STK40: variants seen among roughly 807,000 people sequenced by gnomAD.
STK40 encodes the protein serine/threonine kinase 40.
In STK40, 13 loss-of-function variants were observed where a neutral mutation model predicts 47.9. The observed-to-expected ratio is 0.27, with a 90% CI of 0.18 to 0.43. STK40 has a LOEUF of 0.43. Ranked by LOEUF, STK40 falls within the 20% of genes least tolerant of loss-of-function variation. The pLI is 1.00. For synonymous variants in STK40, 225 were observed against 243.2 expected (o/e 0.93, Z 0.69); for missense variants, 460 against 595.1 (o/e 0.77, Z 2.36).
chr1:36,384,193 C>G (rs763733598), intron 1 of STK40, among the ~76,000 whole-genome samples: 5 of 152,128 alleles, frequency 3.3e-5, no homozygotes, highest in Admixed American at 3.3e-4. Context: ...CCATGCCCAG[C>G]TAATTTTTCT....
At chr1:36,382,352 G>A (rs1570471657) in intron 1 of STK40, among the ~76,000 whole-genome samples, 1 of 152,070 alleles carries the variant, frequency 6.6e-6, no homozygotes, top group East Asian at 1.9e-4. Context: ...GCTAATTTTT[G>A]TATTTTTTGT....
chr1:36,343,488 C>T (rs1570432063), intron 9 of STK40, 40 bp from the exon 10 acceptor site: 2 of 1,579,306 alleles, frequency 1.3e-6, no homozygotes, highest in East Asian at 4.5e-5. Context: ...CCCAGAGAGA[C>T]CAGGTCCATT....
At chr1:36,362,824 T>C (rs1646864535) in intron 1 of STK40, among the ~76,000 whole-genome samples, 1 of 152,240 alleles carries the variant, frequency 6.6e-6, no homozygotes, top group Middle Eastern at 3.2e-3. Flanking sequence ...GACCACACTG[T>C]AATGCTATTT....
At chr1:36,378,689 A>G (rs2124752972) in intron 1 of STK40, among the ~76,000 whole-genome samples, 1 of 151,826 alleles carries the variant, frequency 6.6e-6, no homozygotes, top group East Asian at 1.9e-4. Flanking sequence ...GATCTCCTGA[A>G]CTCGTGATCT....
rs1291095553 is a variant in STK40 at position 36,340,345 on chromosome 1, T to A, written c.*1410A>T. ...AGGAGGTTTGGGAACTTGCCCAAGG[T>A]CACTCACAGTGAGTCAGCTTTTTAG... is the stretch of plus-strand genomic sequence containing the variant. On this transcript the variant is annotated 3_prime_UTR_variant, in exon 11 of 11. Coordinates refer to ENST00000373132, the MANE Select transcript of STK40 (RefSeq NM_001282547.2). 1 of 152,762 alleles carries A rather than the reference T, an allele frequency of 6.5e-6. No homozygotes were observed. The highest frequency in any genetic ancestry group is 1.5e-5 in the Non-Finnish European group (1 of 68,170). 9.5% of individuals were successfully genotyped at this position (152,762 alleles called of 1,614,324 possible). A position where few individuals can be genotyped will look rare whatever the true frequency, so the allele number is the denominator to read the frequency against.
At chr1:36,345,589 C>T (rs1172022804) in intron 7 of STK40, among the ~76,000 whole-genome samples, 1 of 152,220 alleles carries the variant, frequency 6.6e-6, no homozygotes, top group Non-Finnish European at 1.5e-5. Context: ...ATGGCTGACT[C>T]AAGGACAGCC....
intron 1 of STK40, chr1:36,367,793 C>T (rs1255654474): frequency 3.0e-6 from 3 of 986,006 alleles, no homozygotes; most frequent in African/African-American, 3.5e-5. Context: ...CCACTCTACA[C>T]TGAGAAGCAT....
At chr1:36,370,521 G>T (rs750949588) in intron 1 of STK40, among the ~76,000 whole-genome samples, 17 of 152,322 alleles carry the variant, frequency 1.1e-4, no homozygotes, top group African/African-American at 3.6e-4. Context: ...CACTCTAGGT[G>T]AGTGATGTGA....
At chr1:36,370,670 C>A (rs552455079) in intron 1 of STK40, among the ~76,000 whole-genome samples, 12 of 152,226 alleles carry the variant, frequency 7.9e-5, no homozygotes, top group African/African-American at 2.9e-4. Context: ...CCTGCAAGGG[C>A]GGCTCACACT....
chr1:36,340,811 C>T lies in STK40; in HGVS notation c.*944G>A, dbSNP rs1646639304. Reference sequence around the variant, plus strand: ...ACCATCCCCTAAACACAAGAGTAGGCTAGGGGAGCGTGCAGGCAGCCCCCG... The same window carrying T: ...ACCATCCCCTAAACACAAGAGTAGGTTAGGGGAGCGTGCAGGCAGCCCCCG... On this transcript the variant is annotated 3_prime_UTR_variant, in exon 11 of 11. Coordinates refer to ENST00000373132, the MANE Select transcript of STK40 (RefSeq NM_001282547.2). 6.6e-6 allele frequency: 1 copy of T among 152,360 alleles called. No individual in the cohort carries two copies. The highest frequency in any genetic ancestry group is 2.4e-5 in the African/African-American group (1 of 41,458). The allele number at this position is 152,360 out of a possible 1,614,324, so 9.4% of individuals were successfully genotyped here. A position where few individuals can be genotyped will look rare whatever the true frequency, so the allele number is the denominator to read the frequency against.
chr1:36,371,223 C>T (rs958152585), intron 1 of STK40, among the ~76,000 whole-genome samples: 6 of 149,304 alleles, frequency 4.0e-5, no homozygotes, highest in African/African-American at 7.4e-5. Context: ...CCTAATGCAA[C>T]GGAAATGCTG....
At chr1:36,377,880 T>TCCTG (rs1179441986) in intron 1 of STK40, among the ~76,000 whole-genome samples, 3 of 152,142 alleles carry the variant, frequency 2.0e-5, no homozygotes, top group Admixed American at 6.5e-5. Flanking sequence ...GGCCCCTGGG[T>TCCTG]CCTGCCTGCC....
rs553633196 is a variant in STK40, at chr1:36,365,679, C to A, written c.-8-4339G>T. On this transcript the variant is annotated intron_variant, in intron 1 of 10. Transcript: ENST00000373132. ...CTTTGCTTGCCTAACTCCTACGCAT[C>A]CTTCTCAATCTAAGTATCACTTCCT... Among the ~76,000 whole-genome samples the A allele has an allele frequency of 3.0e-4, 46 of 152,310 alleles. No individual in the cohort carries two copies. In the South Asian group the frequency reaches 7.0e-3, roughly 23 times the overall value.
chr1:36,343,266 G>A, intron 10 of STK40, 98 bp downstream of exon 10: 1 of 1,307,502 alleles, frequency 7.6e-7, no homozygotes, highest in Non-Finnish European at 1.1e-6. Flanking sequence ...GAAACTCTGT[G>A]GCCTGCGGGT....
At chr1:36,342,003 A>G (rs1457543639) in intron 10 of STK40, 30 bp from the exon 11 acceptor site, 1 of 1,587,958 alleles carries the variant, frequency 6.3e-7, no homozygotes. Flanking sequence ...GGAAGGAGAC[A>G]AAGATAAACC....
chr1:36,383,130 T>G (rs1404819730), intron 1 of STK40, among the ~76,000 whole-genome samples: 1 of 152,162 alleles, frequency 6.6e-6, no homozygotes, highest in African/African-American at 2.4e-5. Flanking sequence ...GTATTTTTAG[T>G]AGAGAAGGGG....
intron 1 of STK40, among the ~76,000 whole-genome samples, chr1:36,372,167 CACACA>C (rs1012957510): frequency 2.6e-5 from 4 of 152,032 alleles, no homozygotes; most frequent in African/African-American, 9.7e-5. Context: ...ACAACACACA[CACACA>C]ACACAAAATT....
At chr1:36,366,169 T>C (rs922780912) in intron 1 of STK40, 1 of 151,808 alleles carries the variant, frequency 6.6e-6, no homozygotes, top group Non-Finnish European at 1.5e-5. Flanking sequence ...GTGTAGACGC[T>C]GCCTACGCGC....
chr1:36,363,980 T>C (rs1481580906), intron 1 of STK40, among the ~76,000 whole-genome samples: 1 of 150,568 alleles, frequency 6.6e-6, no homozygotes, highest in African/African-American at 2.4e-5. Flanking sequence ...TGAAACCCTG[T>C]CTCTACTAAA....
Sources: gnomAD v4.1 joint callset for allele counts (sites outside exome capture counted in the v4.1 genomes callset) on GRCh38, gnomAD v4.1.1 for gene constraint, MANE v1.5 for transcripts, NCBI Gene and HGNC (gene_info 2026-07-23, HGNC 2026-07-21) for gene names.